Variants in KIF13A observed in about 807,000 individuals in gnomAD.
KIF13A encodes kinesin-like protein KIF13A.
A neutral mutation model predicts 212.2 loss-of-function variants in KIF13A; 79 were observed. That is an observed-to-expected ratio of 0.37 (90% CI 0.31 to 0.45). The LOEUF is 0.45. Among genes scored for constraint, KIF13A ranks in the 20% least tolerant of loss-of-function variants. KIF13A has a pLI of 1.00. For missense variants in KIF13A, 1,901 were observed against 2,209.0 expected (o/e 0.86, Z 2.79); for synonymous variants, 789 against 808.6 (o/e 0.98, Z 0.41).
intron 26 of KIF13A, among the ~76,000 whole-genome samples, chr6:17,788,515 C>T (rs946107483): frequency 6.6e-6 from 1 of 152,112 alleles, no homozygotes; most frequent in Non-Finnish European, 1.5e-5. Context: ...CACAAACAGC[C>T]GCAGGACGTT....
chr6:17,879,545 T>A (rs1160062777), intron 3 of KIF13A, among the ~76,000 whole-genome samples: 1 of 152,052 alleles, frequency 6.6e-6, no homozygotes. Flanking sequence ...AGCACTGGGG[T>A]CCCCTTCAGC....
chr6:17,913,136 T>C (rs1471040748), intron 2 of KIF13A, among the ~76,000 whole-genome samples: 1 of 151,894 alleles, frequency 6.6e-6, no homozygotes, highest in African/African-American at 2.4e-5. Context: ...ATCTTGTAGC[T>C]TCTGAATAAA....
Position 17,915,554 on chromosome 6 carries a change from G to A in KIF13A, c.147-17374C>T, listed in dbSNP as rs190623918. On this transcript the variant is annotated intron_variant, in intron 2 of 38. Transcript: ENST00000259711. The surrounding 1 kb of genome is among the most constrained non-coding windows in gnomAD (Gnocchi z 4.4). Reference sequence around the variant, plus strand: ...GACAGCGTGCAGGACCTGCCACCTTGAGGACTCTGGGAGCAAGAGACCCCC... The same window carrying A: ...GACAGCGTGCAGGACCTGCCACCTTAAGGACTCTGGGAGCAAGAGACCCCC... Among the ~76,000 whole-genome samples, 166 of 152,274 alleles carry A rather than the reference G, an allele frequency of 1.1e-3. No homozygotes were observed. The highest frequency in any genetic ancestry group is 3.8e-3 in the African/African-American group (159 of 41,550).
intron 2 of KIF13A, among the ~76,000 whole-genome samples, chr6:17,965,444 C>G (rs993538850): frequency 1.3e-5 from 2 of 152,142 alleles, no homozygotes; most frequent in Non-Finnish European, 2.9e-5. Flanking sequence ...TTTTAATAAC[C>G]AGTATTTCAA....
rs1354000586 is a variant in KIF13A at position 17,811,732 on chromosome 6, C to T, written c.2001-2802G>A. On this transcript the variant is annotated intron_variant, in intron 17 of 38. Coordinates refer to ENST00000259711, the MANE Select transcript of KIF13A (RefSeq NM_022113.6). This position sits in a 1 kb window ranked among gnomAD's most constrained non-coding sequence, Gnocchi z 6.0. The stretch of plus-strand genomic sequence containing the variant: ...ACATCTTACTTTTATCCAGTGAAAC[C>T]TGACAAAATCAATAATGCAACTATT... Among the ~76,000 whole-genome samples, 4 of 152,210 alleles carry T rather than the reference C, an allele frequency of 2.6e-5. No homozygotes were observed. The highest frequency in any genetic ancestry group is 7.2e-5 in the African/African-American group (3 of 41,466).
intron 2 of KIF13A, among the ~76,000 whole-genome samples, chr6:17,969,100 G>A (rs1779575048): frequency 6.6e-6 from 1 of 152,212 alleles, no homozygotes; most frequent in African/African-American, 2.4e-5. Context: ...CACTTACTAT[G>A]TACAAGGCAT....
At position 17,849,083 on chromosome 6, in the gene KIF13A, A is replaced by C. The variant is rs1441941160; in HGVS notation, c.830+294T>G. On this transcript the variant is annotated intron_variant, in intron 9 of 38. Coordinates refer to ENST00000259711, the MANE Select transcript of KIF13A (RefSeq NM_022113.6). The surrounding 1 kb of genome is among the most constrained non-coding windows in gnomAD (Gnocchi z 5.7). ...CCGGTGTGCGTGACCGTGCCTTTTT[A>C]GTAGAGATGGGGTTTTGCCATGTTG... Among the ~76,000 whole-genome samples, 1 of 152,074 alleles carries C rather than the reference A, an allele frequency of 6.6e-6. No homozygotes were observed. The highest frequency in any genetic ancestry group is 1.5e-5 in the Non-Finnish European group (1 of 68,014).
rs571779194 is a variant in KIF13A at position 17,892,697 on chromosome 6, G to C, written c.159+5471C>G. 6.6e-6 allele frequency among the ~76,000 whole-genome samples: 1 copy of C among 152,290 alleles called. No homozygotes were observed. The highest frequency in any genetic ancestry group is 2.4e-5 in the African/African-American group (1 of 41,570). Reference sequence around the variant, plus strand: ...TTCAATCAATTATGCCTATGTGATGGAGCCTCCATAAACATCCCTAAACTA... The same window carrying C: ...TTCAATCAATTATGCCTATGTGATGCAGCCTCCATAAACATCCCTAAACTA... On this transcript the variant is annotated intron_variant, in intron 3 of 38. Coordinates refer to ENST00000259711, the MANE Select transcript of KIF13A (RefSeq NM_022113.6). This position sits in a 1 kb window ranked among gnomAD's most constrained non-coding sequence, Gnocchi z 4.7.
rs1726973458 is a variant in KIF13A, at chr6:17,886,766, C to T, written c.159+11402G>A. On this transcript the variant is annotated intron_variant, in intron 3 of 38. Transcript: ENST00000259711. This position sits in a 1 kb window ranked among gnomAD's most constrained non-coding sequence, Gnocchi z 5.6. Reference sequence around the variant, plus strand: ...GCAGTGAGTTAAGATCATGCCATTGCACTCCAGCCTGGGCAACAAGGGCGA... The same window carrying T: ...GCAGTGAGTTAAGATCATGCCATTGTACTCCAGCCTGGGCAACAAGGGCGA... 6.6e-6 allele frequency among the ~76,000 whole-genome samples: 1 copy of T among 152,072 alleles called. No individual in the cohort carries two copies. The highest frequency in any genetic ancestry group is 2.4e-5 in the African/African-American group (1 of 41,410).
chr6:17,898,330 G>C lies in KIF13A; in HGVS notation c.147-150C>G, dbSNP rs1772758355. 1.4e-6 allele frequency: 1 copy of C among 734,490 alleles called. No individual in the cohort carries two copies. Among genetic ancestry groups the C allele is most frequent in the Non-Finnish European group, 2.2e-6 (1 of 450,804 alleles). 45.5% of individuals were successfully genotyped at this position (734,490 alleles called of 1,614,324 possible). On this transcript the variant is annotated intron_variant, in intron 2 of 38. Transcript: ENST00000259711. This position sits in a 1 kb window ranked among gnomAD's most constrained non-coding sequence, Gnocchi z 5.2. ...TCTGAAAGATATTCTTCTTCATGAA[G>C]ATCAGAAGCCAAATTCAAACACATT...
At position 17,858,143 on chromosome 6, in the gene KIF13A, G is replaced by C. The variant is rs778720230; in HGVS notation, c.221-2021C>G. Among the ~76,000 whole-genome samples, 5 of 150,236 alleles carry C rather than the reference G, an allele frequency of 3.3e-5. 1 individual carries two copies. Among genetic ancestry groups the C allele is most frequent in the Admixed American group, 3.3e-4 (5 of 15,064 alleles). ...CACGCATGTGTGTGTGTGTGTGTGA[G>C]AGAGAGAGATCTACAAATGCTAAAG... On this transcript the variant is annotated intron_variant, in intron 4 of 38. Coordinates refer to ENST00000259711, the MANE Select transcript of KIF13A (RefSeq NM_022113.6).
intron 2 of KIF13A, among the ~76,000 whole-genome samples, chr6:17,958,960 C>T (rs1778590074): frequency 6.8e-6 from 1 of 147,842 alleles, no homozygotes; most frequent in African/African-American, 2.5e-5. Context: ...AGCTCACTGC[C>T]ACCTCTATCT....
chr6:17,836,895 G>A lies in KIF13A; in HGVS notation c.1138C>T (p.Gln380Ter), dbSNP rs1473163877. Residue 380 changes from glutamine (Q) to a stop codon, truncating the protein, a stop_gained, in exon 11 of 39, where the codon CAG becomes TAG. Coordinates refer to ENST00000259711, the MANE Select transcript of KIF13A (RefSeq NM_022113.6). LOFTEE classifies it high-confidence loss of function. ...LREEVEKLRE[Q>*]LSQAEAMKAP... is the part of the protein sequence containing the mutation. ...GCTTTTACCTCTGCCTGAGAGAGCT[G>A]CTCTCTCAGTTTCTCGACTTCCTCC... The A allele has an allele frequency of 1.2e-6, 2 of 1,613,798 alleles. No homozygotes were observed. Among genetic ancestry groups the A allele is most frequent in the African/African-American group, 1.3e-5 (1 of 75,012 alleles).
At chr6:17,780,945 A>T (rs773547461) in intron 30 of KIF13A, 39 bp from the exon 31 acceptor site, 1 of 1,580,704 alleles carries the variant, frequency 6.3e-7, no homozygotes, top group Admixed American at 1.7e-5. Context: ...GAAACAAGAC[A>T]AAAGTCAGAT....
intron 2 of KIF13A, among the ~76,000 whole-genome samples, chr6:17,943,220 G>C (rs192274702): frequency 2.1e-4 from 32 of 152,186 alleles, no homozygotes; most frequent in Admixed American, 5.9e-4. Flanking sequence ...AATTTTCAAT[G>C]TCTGTTTCTT....
chr6:17,849,620 C>T lies in KIF13A; in HGVS notation c.718-131G>A, dbSNP rs987670705. On this transcript the variant is annotated intron_variant, in intron 8 of 38. Coordinates refer to ENST00000259711, the MANE Select transcript of KIF13A (RefSeq NM_022113.6). The surrounding 1 kb of genome is among the most constrained non-coding windows in gnomAD (Gnocchi z 5.7). ...ATGGCAAATTTCTTAAGTTTTTAAA[C>T]GGTCAGAAGAGTTATTTGAACCAGC... The T allele has an allele frequency of 2.1e-5, 12 of 567,486 alleles. No individual in the cohort carries two copies. The highest frequency in any genetic ancestry group is 3.4e-5 in the Non-Finnish European group (11 of 325,962). The allele number at this position is 567,486 out of a possible 1,614,324, so 35.2% of individuals were successfully genotyped here.
At chr6:17,770,746 T>C in intron 38 of KIF13A, 1 of 957,546 alleles carries the variant, frequency 1.0e-6, no homozygotes, top group Non-Finnish European at 1.3e-6. Flanking sequence ...GATTACTTAC[T>C]CCAAGTAAGT....
chr6:17,889,086 G>A lies in KIF13A; in HGVS notation c.159+9082C>T, dbSNP rs543733070. 1.1e-4 allele frequency among the ~76,000 whole-genome samples: 17 copies of A among 152,248 alleles called. No individual in the cohort carries two copies. The East Asian group carries it at 3.3e-3, about 29-fold the overall frequency. On this transcript the variant is annotated intron_variant, in intron 3 of 38. Coordinates refer to ENST00000259711, the MANE Select transcript of KIF13A (RefSeq NM_022113.6). ...AGGCCAAATGCTTAGTAGCAAAACA[G>A]TAGAGGCAACAGAAAATGAAGGCAG...
At chr6:17,793,397 G>C (rs1028111687) in intron 25 of KIF13A, among the ~76,000 whole-genome samples, 1 of 151,920 alleles carries the variant, frequency 6.6e-6, no homozygotes, top group African/African-American at 2.4e-5. Context: ...CCTAATTTTA[G>C]AGATTCTTTT....
Sources: allele counts gnomAD v4.1 joint callset (sites outside exome capture counted in the v4.1 genomes callset), GRCh38; gene constraint gnomAD v4.1.1; non-coding constraint Gnocchi (gnomAD v3.1); transcripts MANE v1.5; gene names NCBI Gene and HGNC (gene_info 2026-07-23, HGNC 2026-07-21).